The following RAB40B variants were observed in gnomAD, a reference collection of about 807,000 sequenced individuals.
RAB40B encodes RAB40B, member RAS oncogene family, also known as ras-related protein Rab-40B.
Under a neutral mutation model 24.0 loss-of-function variants are expected in RAB40B, and 21 were observed. That is an observed-to-expected ratio of 0.88 (90% confidence interval 0.62 to 1.26). RAB40B has a LOEUF of 1.26. Ranked by LOEUF, RAB40B falls within the 50% of genes most tolerant of loss-of-function variation. The pLI is 0.00. For missense variants in RAB40B, 348 were observed against 390.5 expected, an observed-to-expected ratio of 0.89 and a Z score of 0.92; for synonymous variants, 167 against 169.8, an observed-to-expected ratio of 0.98 and a Z score of 0.13.
At chr17:82,695,568 G>C (rs1422607818) in intron 1 of RAB40B, among the ~76,000 whole-genome samples, 2 of 149,930 alleles carry the variant, frequency 1.3e-5, no homozygotes, top group African/African-American at 5.0e-5. Context: ...AACATGGCCA[G>C]GTGCTGTGGC....
chr17:82,687,235 C>T (rs557531380), intron 1 of RAB40B, among the ~76,000 whole-genome samples: 1 of 152,324 alleles, frequency 6.6e-6, no homozygotes, highest in East Asian at 1.9e-4. Context: ...ACTTTATTTC[C>T]AGATGAATTT....
chr17:82,685,108 T>C (rs571339718), intron 1 of RAB40B, among the ~76,000 whole-genome samples: 22 of 148,648 alleles, frequency 1.5e-4, no homozygotes, highest in African/African-American at 4.5e-4. Context: ...AGTGAAACTC[T>C]GTCTCAAAAA....
At chr17:82,674,112 G>A (rs560354941) in intron 1 of RAB40B, among the ~76,000 whole-genome samples, 46 of 152,268 alleles carry the variant, frequency 3.0e-4, no homozygotes, top group South Asian at 6.2e-4. Flanking sequence ...AGGCCGAGGC[G>A]GGCGGATCAC....
chr17:82,661,348 G>A, intron 2 of RAB40B: 1 of 1,041,724 alleles, frequency 9.6e-7, no homozygotes, highest in Non-Finnish European at 1.2e-6. Context: ...AAAACTTGTT[G>A]AATCTGAAGA....
At chr17:82,676,110 G>A (rs1024440641) in intron 1 of RAB40B, among the ~76,000 whole-genome samples, 6 of 152,114 alleles carry the variant, frequency 3.9e-5, no homozygotes, top group Admixed American at 2.0e-4. Flanking sequence ...TATGAATGGG[G>A]AACCGACCGC....
At chr17:82,671,610 C>T (rs12942653) in intron 1 of RAB40B, among the ~76,000 whole-genome samples, 1,093 of 38,528 alleles carry the variant, frequency 0.028, no homozygotes, top group Middle Eastern at 0.059. Flanking sequence ...CTCCCTGTAC[C>T]CACTGACACA....
intron 1 of RAB40B, among the ~76,000 whole-genome samples, chr17:82,666,629 T>G (rs1363505458): frequency 6.7e-6 from 1 of 150,316 alleles, no homozygotes; most frequent in Non-Finnish European, 1.5e-5. Flanking sequence ...AGGAAACATC[T>G]CCTGTGTTCA....
At chr17:82,696,961 T>C (rs11871968) in intron 1 of RAB40B, 6,092 of 152,296 alleles carry the variant, frequency 0.04, 424 homozygotes, top group African/African-American at 0.14. Context: ...CCTAGAGACC[T>C]GCCACCGAGC....
intron 1 of RAB40B, among the ~76,000 whole-genome samples, chr17:82,671,365 C>T (rs2046331137): frequency 6.7e-6 from 1 of 148,768 alleles, no homozygotes; most frequent in Admixed American, 6.7e-5. Context: ...GTAACTCTAA[C>T]ACACACACTC....
intron 1 of RAB40B, among the ~76,000 whole-genome samples, chr17:82,678,122 G>A (rs918873350): frequency 1.3e-5 from 2 of 151,728 alleles, no homozygotes; most frequent in African/African-American, 4.8e-5. Flanking sequence ...TTTTGTTTTT[G>A]TTTTTGTTTT....
At chr17:82,686,376 T>C (rs1460593129) in intron 1 of RAB40B, among the ~76,000 whole-genome samples, 1 of 152,166 alleles carries the variant, frequency 6.6e-6, no homozygotes, top group East Asian at 1.9e-4. Flanking sequence ...CCTCCCAAAG[T>C]GATGGGATTA....
intron 2 of RAB40B, chr17:82,662,454 G>A (rs1045119256): frequency 1.0e-6 from 1 of 985,458 alleles, no homozygotes; most frequent in Middle Eastern, 5.2e-4. Context: ...CAACGTGCCG[G>A]CCTCCTGGGC....
At chr17:82,659,397 C>T in intron 4 of RAB40B, 183 bp downstream of exon 4, 1 of 592,682 alleles carries the variant, frequency 1.7e-6, no homozygotes. Context: ...TTGTAGCTAT[C>T]ACCAAAGCCC....
chr17:82,673,021 TG>T (rs1201436929), intron 1 of RAB40B, among the ~76,000 whole-genome samples: 2 of 152,224 alleles, frequency 1.3e-5, no homozygotes, highest in Non-Finnish European at 2.9e-5. Flanking sequence ...CTGACCAACA[TG>T]GTGAAACCTC....
In RAB40B at chr17:82,673,986, T is replaced by C. The variant is rs376750161; in HGVS notation, c.143-9430A>G. 2.6e-5 allele frequency among the ~76,000 whole-genome samples: 4 copies of C among 152,254 alleles called. No individual in the cohort carries two copies. The East Asian group carries it at 5.8e-4, about 22-fold the overall frequency. ...AACTTTTATCCCTTCTTTGAAATTATTGTTTTCAATGTCCAAGATCTTTCT... is the reference window on the plus strand; with the variant it reads ...AACTTTTATCCCTTCTTTGAAATTACTGTTTTCAATGTCCAAGATCTTTCT... On this transcript the variant is annotated intron_variant, in intron 1 of 5. Transcript: ENST00000571995.
intron 5 of RAB40B, 71 bp downstream of exon 5, chr17:82,658,419 AT>A: frequency 6.5e-7 from 1 of 1,530,292 alleles, no homozygotes; most frequent in Non-Finnish European, 9.0e-7. Context: ...GCAGACACTT[AT>A]CCAGGGGGCC....
rs1357417513 is a variant in RAB40B at position 82,671,518 on chromosome 17, T to C, written c.143-6962A>G. Among the ~76,000 whole-genome samples, 65 of 71,724 alleles carry C rather than the reference T, an allele frequency of 9.1e-4. 1 individual carries two copies. The highest frequency in any genetic ancestry group is 4.1e-3 in the South Asian group (6 of 1,474). The allele number at this position is 71,724 out of a possible 152,430, so 47.1% of individuals were successfully genotyped here. A position where few individuals can be genotyped will look rare whatever the true frequency, so the allele number is the denominator to read the frequency against. On this transcript the variant is annotated intron_variant, in intron 1 of 5. Transcript: ENST00000571995. ...TGTACTCACTGACACACCCCACCCC[T>C]GTAACTCTAACACACACACTCACAC...
rs754685283 is a variant in RAB40B, at chr17:82,656,318, G to C, written c.*1545C>G. ...GAACATCTGGGTATTTTCTCGCTTC[G>C]TTTTTTTGGTTTAGTCCCTCATTTG... On this transcript the variant is annotated 3_prime_UTR_variant, in exon 6 of 6. Transcript: ENST00000571995. 2 of 152,008 alleles carry C rather than the reference G, an allele frequency of 1.3e-5. No individual in the cohort carries two copies. The highest frequency in any genetic ancestry group is 2.9e-5 in the Non-Finnish European group (2 of 68,010). 9.4% of individuals were successfully genotyped at this position (152,008 alleles called of 1,614,324 possible).
At chr17:82,661,134 A>G (rs1455340039) in intron 2 of RAB40B, 87 bp from the exon 3 acceptor site, 1 of 1,508,010 alleles carries the variant, frequency 6.6e-7, no homozygotes, top group Non-Finnish European at 8.9e-7. Context: ...CAGCAAGTGC[A>G]CCACACACCC....
Sources: allele counts gnomAD v4.1 joint callset (sites outside exome capture counted in the v4.1 genomes callset), GRCh38; gene constraint gnomAD v4.1.1; transcripts MANE v1.5; gene names NCBI Gene and HGNC (gene_info 2026-07-23, HGNC 2026-07-21).